MON2: variants seen among roughly 807,000 people sequenced by gnomAD.
The protein encoded by MON2 is protein MON2 homolog.
A neutral mutation model predicts 208.6 loss-of-function variants in MON2; 84 were observed. The ratio of observed to expected loss-of-function variants is 0.40; its 90% CI spans 0.34 to 0.48. MON2 has a LOEUF of 0.48. MON2 is among the 20% of genes least tolerant of loss of function. The probability of loss-of-function intolerance (pLI) is 0.59; values close to 1 mark genes in which losing one functional copy is unlikely to be tolerated. For synonymous variants in MON2, 660 were observed against 694.0 expected (o/e 0.95, Z 0.77); for missense variants, 1,611 against 2,015.4 (o/e 0.80, Z 3.84).
intron 7 of MON2, among the ~76,000 whole-genome samples, chr12:62,504,230 TTTTTC>T (rs1378752389): frequency 6.8e-6 from 1 of 147,174 alleles, no homozygotes; most frequent in Non-Finnish European, 1.5e-5. Flanking sequence ...TTTACAGATT[TTTTTC>T]TTTTCTTTTC....
chr12:62,490,073 C>G (rs1453492693), intron 2 of MON2: 1 of 1,012,962 alleles, frequency 9.9e-7, no homozygotes, highest in Non-Finnish European at 1.3e-6. Flanking sequence ...CTGCTCAGAG[C>G]AAGGAAACCC....
intron 14 of MON2, 105 bp downstream of exon 14, chr12:62,535,814 C>A: frequency 2.9e-6 from 2 of 687,174 alleles, no homozygotes; most frequent in Non-Finnish European, 4.1e-6. Flanking sequence ...CACATACTGA[C>A]TGTGTGACCT....
chr12:62,579,997 T>G (rs2074944223), intron 31 of MON2, among the ~76,000 whole-genome samples: 1 of 152,208 alleles, frequency 6.6e-6, no homozygotes, highest in Non-Finnish European at 1.5e-5. Context: ...GTAAATTTCA[T>G]ATGCTATTTT....
intron 1 of MON2, among the ~76,000 whole-genome samples, chr12:62,477,446 G>A (rs994965923): frequency 3.9e-5 from 6 of 151,984 alleles, no homozygotes; most frequent in Non-Finnish European, 7.4e-5. Flanking sequence ...TTTATGTTGA[G>A]ACAGGGTCTT....
intron 26 of MON2, among the ~76,000 whole-genome samples, chr12:62,564,506 A>T (rs2074306944): frequency 6.6e-6 from 1 of 151,992 alleles, no homozygotes. Context: ...AGAAAAAAAA[A>T]CCCAATTTAA....
chr12:62,470,813 A>G, intron 1 of MON2: 1 of 892,056 alleles, frequency 1.1e-6, no homozygotes. Flanking sequence ...TTTATACTGA[A>G]GATGATTGGA....
chr12:62,501,455 A>G, intron 6 of MON2, 118 bp from the exon 7 acceptor site: 2 of 1,203,232 alleles, frequency 1.7e-6, no homozygotes, highest in Non-Finnish European at 2.3e-6. Flanking sequence ...CTTAGTTTCT[A>G]AGGAGCAAAA....
chr12:62,556,145 G>C lies in MON2; in HGVS notation c.3362G>C (p.Gly1121Ala). The C allele has an allele frequency of 1.2e-6, 2 of 1,613,924 alleles. No homozygotes were observed. The highest frequency in any genetic ancestry group is 1.7e-6 in the Non-Finnish European group (2 of 1,179,972). ...GAGACGTGGGTATTAACATTGGCTG[G>C]AGTAGCAAGGATCTTCAACACTAGA... is the stretch of plus-strand genomic sequence containing the variant. ...WAETWVLTLA[G>A]VARIFNTRRY... Residue 1121 changes from glycine (G) to alanine (A), a missense_variant, in exon 25 of 35, where the codon GGA becomes GCA. Physicochemically the swap from Gly to Ala is moderately conservative, Grantham distance 60. Coordinates refer to ENST00000393630, the MANE Select transcript of MON2 (RefSeq NM_015026.3).
Position 62,537,712 on chromosome 12 carries a change from TA to T in MON2, c.2118+10del. 1.9e-6 allele frequency: 3 copies of T among 1,591,942 alleles called. No homozygotes were observed. Among genetic ancestry groups the T allele is most frequent in the Non-Finnish European group, 2.6e-6 (3 of 1,163,260 alleles). ...TTGTCTTGGCAACTCTTCAGGTATG[TA>T]AAAGTGTCTAGGTCAGAGATTAGTG... On this transcript the variant is annotated splice_region_variant and intron_variant, in intron 16 of 34. Transcript: ENST00000393630.
chr12:62,512,906 A>G lies in MON2; in HGVS notation c.984+4426A>G, dbSNP rs575198486. ...TGACTTCTCTGCACTCGCAGGCTCA[A>G]CACCATGTGGAAGCTGCCAAGGCTT... On this transcript the variant is annotated intron_variant, in intron 8 of 34. Transcript: ENST00000393630. 3.3e-5 allele frequency among the ~76,000 whole-genome samples: 5 copies of G among 152,346 alleles called. No homozygotes were observed. The South Asian group carries it at 1.0e-3, about 32-fold the overall frequency.
chr12:62,540,351 T>A (rs1343163385), intron 19 of MON2, among the ~76,000 whole-genome samples: 3 of 152,170 alleles, frequency 2.0e-5, no homozygotes, highest in Admixed American at 6.5e-5. Flanking sequence ...ACTCTCTGAA[T>A]TTTTAGTTCC....
intron 8 of MON2, among the ~76,000 whole-genome samples, chr12:62,520,966 A>T (rs1319216095): frequency 6.8e-6 from 1 of 147,484 alleles, no homozygotes; most frequent in African/African-American, 2.5e-5. Context: ...TTTTATTTTT[A>T]TTTTAGTTTT....
intron 1 of MON2, among the ~76,000 whole-genome samples, chr12:62,471,940 G>T (rs1208010090): frequency 6.6e-6 from 1 of 152,228 alleles, no homozygotes; most frequent in East Asian, 1.9e-4. Flanking sequence ...GGGCAGTTTG[G>T]TCTGTGGCCT....
At chr12:62,474,572 C>G (rs924480447) in intron 1 of MON2, among the ~76,000 whole-genome samples, 1 of 151,860 alleles carries the variant, frequency 6.6e-6, no homozygotes, top group South Asian at 2.1e-4. Context: ...TTACAGATGC[C>G]CATCACCATG....
intron 30 of MON2, among the ~76,000 whole-genome samples, chr12:62,574,848 G>T (rs550878392): frequency 6.6e-6 from 1 of 152,294 alleles, no homozygotes; most frequent in East Asian, 1.9e-4. Flanking sequence ...AAGACAAAAA[G>T]AAGGCCAACC....
chr12:62,538,229 A>G (rs367772554), intron 17 of MON2, 23 bp from the exon 18 acceptor site: 16 of 1,610,302 alleles, frequency 9.9e-6, no homozygotes, highest in Non-Finnish European at 1.3e-5. Context: ...GTCATATATT[A>G]CATTTAATTT....
intron 29 of MON2, among the ~76,000 whole-genome samples, chr12:62,567,670 A>C (rs140589853): frequency 6.6e-6 from 1 of 152,154 alleles, no homozygotes. Context: ...CTCTCACTTT[A>C]TTTATTGAGC....
At chr12:62,468,031 G>C (rs2068599306) in intron 1 of MON2, among the ~76,000 whole-genome samples, 2 of 151,680 alleles carry the variant, frequency 1.3e-5, no homozygotes, top group Non-Finnish European at 2.9e-5. Flanking sequence ...GAGCAGAAGG[G>C]TATTATTAAA....
At chr12:62,573,348 A>G (rs2074664886) in intron 30 of MON2, among the ~76,000 whole-genome samples, 1 of 150,744 alleles carries the variant, frequency 6.6e-6, no homozygotes, top group African/African-American at 2.4e-5. Flanking sequence ...AATTGTCTAT[A>G]TATGCTTAAT....
Sources: allele counts gnomAD v4.1 joint callset (sites outside exome capture counted in the v4.1 genomes callset), GRCh38; gene constraint gnomAD v4.1.1; transcripts MANE v1.5; gene names NCBI Gene and HGNC (gene_info 2026-07-23, HGNC 2026-07-21).